RORA: variants seen among roughly 807,000 people sequenced by gnomAD.
RORA encodes nuclear receptor ROR-alpha.
RORA carries 7 observed loss-of-function variants against 69.5 expected under a neutral mutation model. The ratio of observed to expected loss-of-function variants is 0.10; its 90% CI spans 0.06 to 0.19. RORA has a LOEUF of 0.19. Among genes scored for constraint, RORA ranks in the 10% least tolerant of loss-of-function variants. RORA has a pLI of 1.00. For missense variants in RORA, 457 were observed against 663.0 expected (o/e 0.69, Z 3.41); for synonymous variants, 261 against 240.8 (o/e 1.08, Z -0.78).
intron 1 of RORA, among the ~76,000 whole-genome samples, chr15:61,157,605 A>T (rs571928824): frequency 6.6e-6 from 1 of 152,268 alleles, no homozygotes; most frequent in South Asian, 2.1e-4. Flanking sequence ...CCTCCTCACC[A>T]TGTGCTGGCA....
intron 1 of RORA, among the ~76,000 whole-genome samples, chr15:60,925,578 G>A (rs1892190696): frequency 6.6e-6 from 1 of 152,216 alleles, no homozygotes; most frequent in African/African-American, 2.4e-5. Context: ...CAGCGGGGCT[G>A]TCATGGAGCT....
intron 1 of RORA, among the ~76,000 whole-genome samples, chr15:60,699,589 A>G (rs1039306681): frequency 2.6e-5 from 4 of 152,182 alleles, no homozygotes; most frequent in African/African-American, 9.7e-5. Context: ...AACCATTGAG[A>G]TTTGGGGCAT....
chr15:60,505,427 G>T, intron 6 of RORA, 81 bp downstream of exon 6: 1 of 1,367,792 alleles, frequency 7.3e-7, no homozygotes. Context: ...TAGTCTGTGT[G>T]AACTCTTGAC....
chr15:60,738,118 A>G (rs574297935), intron 1 of RORA, among the ~76,000 whole-genome samples: 1 of 152,326 alleles, frequency 6.6e-6, no homozygotes, highest in Non-Finnish European at 1.5e-5. Context: ...CATTTTAGTG[A>G]AGCAAGCAGT....
intron 1 of RORA, among the ~76,000 whole-genome samples, chr15:61,178,493 C>G (rs937798489): frequency 1.3e-5 from 2 of 151,786 alleles, no homozygotes; most frequent in African/African-American, 4.8e-5. Flanking sequence ...ATAAATATAT[C>G]AATTTTATCT....
chr15:61,110,793 C>T (rs550367445), intron 1 of RORA, among the ~76,000 whole-genome samples: 1 of 152,306 alleles, frequency 6.6e-6, no homozygotes, highest in East Asian at 1.9e-4. Context: ...ATGTCACTTC[C>T]CTGCACTAAC....
intron 1 of RORA, among the ~76,000 whole-genome samples, chr15:60,902,591 A>G (rs985670342): frequency 1.3e-5 from 2 of 152,220 alleles, no homozygotes; most frequent in African/African-American, 4.8e-5. Context: ...TCATGTCTAC[A>G]TAGCTGAAAG....
At chr15:60,576,902 C>T (rs2068042073) in intron 2 of RORA, among the ~76,000 whole-genome samples, 1 of 152,142 alleles carries the variant, frequency 6.6e-6, no homozygotes, top group African/African-American at 2.4e-5. Flanking sequence ...AAAGCTTTTT[C>T]CTCCACACCA....
rs1473925898 is a variant in RORA, at chr15:60,499,397, G to T, written c.1407+495C>A. ...AAAATAATTAATAAATTAGCCAAGT[G>T]TGGTAGCACATATACCTGTAGTCTT... is the stretch of plus-strand genomic sequence containing the variant. On this transcript the variant is annotated intron_variant, in intron 10 of 10. Coordinates refer to ENST00000335670, the MANE Select transcript of RORA (RefSeq NM_134261.3). Among the ~76,000 whole-genome samples the T allele has an allele frequency of 2.6e-5, 4 of 152,148 alleles. No individual in the cohort carries two copies. In the East Asian group the frequency reaches 5.8e-4, roughly 22 times the overall value.
chr15:61,036,718 G>C (rs896408151), intron 1 of RORA, among the ~76,000 whole-genome samples: 26 of 139,360 alleles, frequency 1.9e-4, no homozygotes, highest in Non-Finnish European at 3.5e-4. Flanking sequence ...AAATCCAAAA[G>C]ACTTGACTTT....
chr15:60,888,336 C>T (rs2140454804), intron 1 of RORA, among the ~76,000 whole-genome samples: 1 of 152,340 alleles, frequency 6.6e-6, no homozygotes. Flanking sequence ...GGCCGGTGGG[C>T]CTGGTCACCA....
intron 3 of RORA, chr15:60,520,293 A>C (rs2066120362): frequency 6.6e-6 from 1 of 152,168 alleles, no homozygotes; most frequent in Admixed American, 6.6e-5. Context: ...AGGGAGAAAC[A>C]GGGTGAGTAA....
chr15:61,097,131 C>T (rs778629201), intron 1 of RORA, among the ~76,000 whole-genome samples: 86 of 152,046 alleles, frequency 5.7e-4, no homozygotes, highest in Non-Finnish European at 1.6e-4. Flanking sequence ...GGAGTGTTTC[C>T]GATGGGGCAG....
At chr15:60,658,028 A>G (rs2070248304) in intron 2 of RORA, among the ~76,000 whole-genome samples, 1 of 152,024 alleles carries the variant, frequency 6.6e-6, no homozygotes, top group Non-Finnish European at 1.5e-5. Context: ...GCCTCCTCCA[A>G]AAAAAGGAAA....
intron 2 of RORA, among the ~76,000 whole-genome samples, chr15:60,566,550 A>C (rs1406376796): frequency 6.6e-6 from 1 of 152,234 alleles, no homozygotes; most frequent in Non-Finnish European, 1.5e-5. Flanking sequence ...TTGGCTTCCC[A>C]ATAAAGTTGG....
intron 1 of RORA, among the ~76,000 whole-genome samples, chr15:60,728,902 TTATAA>T (rs1468354607): frequency 2.0e-5 from 3 of 152,192 alleles, no homozygotes; most frequent in Non-Finnish European, 4.4e-5. Context: ...AATAATAAAA[TTATAA>T]TATAAATGTA....
At chr15:60,836,987 G>A (rs1312563432) in intron 1 of RORA, among the ~76,000 whole-genome samples, 1 of 151,566 alleles carries the variant, frequency 6.6e-6, no homozygotes, top group Non-Finnish European at 1.5e-5. Flanking sequence ...AAATCCTTCA[G>A]TGGCTCCCTA....
intron 1 of RORA, among the ~76,000 whole-genome samples, chr15:60,758,331 G>T (rs559674898): frequency 6.6e-6 from 1 of 152,314 alleles, no homozygotes; most frequent in Admixed American, 6.5e-5. Flanking sequence ...TTCTTTCAGA[G>T]TTGTGGTGGC....
chr15:60,616,188 AC>A (rs2069238337), intron 2 of RORA, among the ~76,000 whole-genome samples: 1 of 152,204 alleles, frequency 6.6e-6, no homozygotes, highest in Non-Finnish European at 1.5e-5. Flanking sequence ...TTGGGGATCA[AC>A]CGAGAGCAAG....
Sources: gnomAD v4.1 joint callset for allele counts (sites outside exome capture counted in the v4.1 genomes callset) on GRCh38, gnomAD v4.1.1 for gene constraint, MANE v1.5 for transcripts, NCBI Gene and HGNC (gene_info 2026-07-23, HGNC 2026-07-21) for gene names.